UMAD1: variants seen among roughly 807,000 people sequenced by gnomAD.
UMAD1 encodes the protein UBAP1-MVB12-associated (UMA) domain containing 1.
A neutral mutation model predicts 6.1 loss-of-function variants in UMAD1; 8 were observed. That is an observed-to-expected ratio of 1.30 (90% CI 0.76 to 2.35). The LOEUF is 2.35. UMAD1 is among the 30% of genes most tolerant of loss of function. The pLI, the probability that UMAD1 is intolerant of heterozygous loss-of-function variation, is 0.00. For missense variants in UMAD1, 130 were observed against 78.4 expected (o/e 1.66, Z -2.49); for synonymous variants, 56 against 31.4 (o/e 1.78, Z -2.61).
At chr7:7,778,226 TTG>T (rs61647575) in intron 2 of UMAD1, among the ~76,000 whole-genome samples, 7,026 of 126,080 alleles carry the variant, frequency 0.056, 326 homozygotes, top group African/African-American at 0.13. Flanking sequence ...AAAACTGGTT[TTG>T]TGTGTGTGTG....
chr7:7,703,678 C>T (rs541301881), intron 2 of UMAD1, among the ~76,000 whole-genome samples: 6 of 152,226 alleles, frequency 3.9e-5, no homozygotes, highest in African/African-American at 9.6e-5. Context: ...AATTATGAAA[C>T]GCAGACATCT....
chr7:7,872,618 A>G (rs1288874570), intron 3 of UMAD1, among the ~76,000 whole-genome samples: 30 of 152,242 alleles, frequency 2.0e-4, no homozygotes, highest in Non-Finnish European at 2.9e-5. Flanking sequence ...CTGCTGGATA[A>G]ATGACTCCAG....
intron 2 of UMAD1, among the ~76,000 whole-genome samples, chr7:7,697,114 T>C (rs573715976): frequency 3.3e-5 from 5 of 152,298 alleles, no homozygotes; most frequent in African/African-American, 9.6e-5. Context: ...ATTGTTTTGC[T>C]TTTCTTTTTA....
intron 3 of UMAD1, among the ~76,000 whole-genome samples, chr7:7,873,985 A>G (rs1170438938): frequency 6.6e-6 from 1 of 152,120 alleles, no homozygotes; most frequent in Non-Finnish European, 1.5e-5. Context: ...CCCCCTGCCT[A>G]CTAACAGCTC....
intron 2 of UMAD1, among the ~76,000 whole-genome samples, chr7:7,778,319 G>T (rs1471626797): frequency 6.8e-6 from 1 of 147,828 alleles, no homozygotes; most frequent in Non-Finnish European, 1.5e-5. Context: ...CGTAAATATG[G>T]CAAAGTTTAA....
intron 1 of UMAD1, among the ~76,000 whole-genome samples, chr7:7,670,624 T>A (rs1779582923): frequency 6.6e-6 from 1 of 152,194 alleles, no homozygotes; most frequent in South Asian, 2.1e-4. Flanking sequence ...AGCATCATGC[T>A]CAAAGTTCAG....
At chr7:7,717,040 TTTTC>T (rs1397540636) in intron 2 of UMAD1, among the ~76,000 whole-genome samples, 3 of 151,040 alleles carry the variant, frequency 2.0e-5, no homozygotes, top group Non-Finnish European at 4.4e-5. Context: ...TCTTTTTCCT[TTTTC>T]TTTCTTTCTT....
At chr7:7,796,960 C>T (rs1431191637) in intron 2 of UMAD1, among the ~76,000 whole-genome samples, 1 of 152,150 alleles carries the variant, frequency 6.6e-6, no homozygotes, top group Non-Finnish European at 1.5e-5. Context: ...TCTTTTTCTG[C>T]TGCAGCCCAG....
At chr7:7,685,483 A>C (rs1278596515) in intron 2 of UMAD1, among the ~76,000 whole-genome samples, 1 of 151,896 alleles carries the variant, frequency 6.6e-6, no homozygotes, top group Non-Finnish European at 1.5e-5. Context: ...CAAGTTTTGT[A>C]TTTTTAGTAG....
intron 3 of UMAD1, among the ~76,000 whole-genome samples, chr7:7,810,278 T>C (rs1007596919): frequency 1.1e-4 from 17 of 152,216 alleles, no homozygotes; most frequent in African/African-American, 4.1e-4. Context: ...GTACAACTAT[T>C]CTTGGAGAGC....
At chr7:7,815,018 T>A (rs1783097514) in intron 3 of UMAD1, among the ~76,000 whole-genome samples, 1 of 152,174 alleles carries the variant, frequency 6.6e-6, no homozygotes, top group African/African-American at 2.4e-5. Flanking sequence ...CTGTATACAC[T>A]TTCAATCCTA....
At chr7:7,802,442 C>G (rs1250974305) in intron 3 of UMAD1, among the ~76,000 whole-genome samples, 3 of 151,928 alleles carry the variant, frequency 2.0e-5, no homozygotes, top group African/African-American at 7.3e-5. Flanking sequence ...AAAGTACACT[C>G]CTTGAAAGTA....
At chr7:7,747,458 T>C (rs1165241475) in intron 2 of UMAD1, among the ~76,000 whole-genome samples, 1 of 152,234 alleles carries the variant, frequency 6.6e-6, no homozygotes, top group Non-Finnish European at 1.5e-5. Context: ...CTCAAAGATA[T>C]GCAGTGACTT....
intron 2 of UMAD1, among the ~76,000 whole-genome samples, chr7:7,734,696 T>A (rs1218426638): frequency 6.6e-6 from 1 of 152,214 alleles, no homozygotes; most frequent in Non-Finnish European, 1.5e-5. Flanking sequence ...TCAAAGGCTT[T>A]TTTGATCTCT....
At chr7:7,799,627 C>G (rs528685178) in intron 2 of UMAD1, among the ~76,000 whole-genome samples, 1 of 152,158 alleles carries the variant, frequency 6.6e-6, no homozygotes, top group East Asian at 1.9e-4. Context: ...TTAGAAACAT[C>G]GTGCATGTGC....
chr7:7,750,519 A>G (rs959298846), intron 2 of UMAD1, among the ~76,000 whole-genome samples: 1 of 152,172 alleles, frequency 6.6e-6, no homozygotes, highest in African/African-American at 2.4e-5. Context: ...TCTTGATTAT[A>G]GCTTCTTTAA....
In UMAD1 at chr7:7,847,099, AAAAAAAT is replaced by A. The variant is rs1418529159; in HGVS notation, c.157-30180_157-30174del. Among the ~76,000 whole-genome samples, 82 of 44,548 alleles carry A rather than the reference AAAAAAAT, an allele frequency of 1.8e-3. 2 individuals carry two copies. The highest frequency in any genetic ancestry group is 0.012 in the African/African-American group (77 of 6,286). 29.2% of individuals were successfully genotyped at this position (44,548 alleles called of 152,430 possible). ...AAAGACAGCAATGCAAAAAAAAAAA[AAAAAAAT>A]ATATATATATATATATATATATATA... On this transcript the variant is annotated intron_variant, in intron 3 of 3. Coordinates refer to ENST00000682710, the MANE Select transcript of UMAD1 (RefSeq NM_001302348.2).
At chr7:7,841,724 C>T (rs931515484) in intron 3 of UMAD1, among the ~76,000 whole-genome samples, 4 of 152,126 alleles carry the variant, frequency 2.6e-5, no homozygotes, top group Non-Finnish European at 5.9e-5. Context: ...AGAAAGAATT[C>T]GAAAATATCC....
intron 3 of UMAD1, among the ~76,000 whole-genome samples, chr7:7,862,469 T>TA (rs1455179179): frequency 6.6e-6 from 1 of 152,206 alleles, no homozygotes; most frequent in Non-Finnish European, 1.5e-5. Flanking sequence ...AATAGATACT[T>TA]ACAATAAATA....
Sources: allele counts gnomAD v4.1 joint callset (sites outside exome capture counted in the v4.1 genomes callset), GRCh38; gene constraint gnomAD v4.1.1; transcripts MANE v1.5; gene names NCBI Gene and HGNC (gene_info 2026-07-23, HGNC 2026-07-21).